Variants in EBPL observed in about 807,000 individuals in gnomAD.
EBPL encodes emopamil-binding protein-like.
Under a neutral mutation model 19.0 loss-of-function variants are expected in EBPL, and 20 were observed. That is an observed-to-expected ratio of 1.05 (90% confidence interval 0.74 to 1.53). The LOEUF is 1.53. Ranked by LOEUF, EBPL falls within the 40% of genes most tolerant of loss-of-function variation. The probability of loss-of-function intolerance (pLI) is 0.00; values close to 1 mark genes in which losing one functional copy is unlikely to be tolerated. For synonymous variants in EBPL, 107 were observed against 117.0 expected, an observed-to-expected ratio of 0.91 and a Z score of 0.55; for missense variants, 219 against 261.1, an observed-to-expected ratio of 0.84 and a Z score of 1.11.
chr13:49,670,821 T>C (rs1953805832), intron 1 of EBPL, among the ~76,000 whole-genome samples: 1 of 152,188 alleles, frequency 6.6e-6, no homozygotes, highest in Admixed American at 6.5e-5. Flanking sequence ...GTGCAGTCTC[T>C]GGGCTTCTAA....
chr13:49,665,253 G>C (rs1965209953), intron 2 of EBPL, among the ~76,000 whole-genome samples: 1 of 151,888 alleles, frequency 6.6e-6, no homozygotes. Context: ...TGGGACTACA[G>C]GCACCCACCA....
chr13:49,690,076 A>C (rs1211341582), intron 1 of EBPL, among the ~76,000 whole-genome samples: 2 of 149,368 alleles, frequency 1.3e-5, no homozygotes, highest in East Asian at 4.0e-4. Context: ...CTTTAACCCA[A>C]GGGGCGGAGG....
chr13:49,666,206 G>A (rs1313376811), intron 2 of EBPL, among the ~76,000 whole-genome samples: 2 of 152,188 alleles, frequency 1.3e-5, no homozygotes, highest in African/African-American at 4.8e-5. Flanking sequence ...TGATTGGCTT[G>A]TCTGGATAAT....
At chr13:49,676,067 T>G (rs1953872643) in intron 1 of EBPL, among the ~76,000 whole-genome samples, 1 of 152,226 alleles carries the variant, frequency 6.6e-6, no homozygotes, top group African/African-American at 2.4e-5. Flanking sequence ...TTGTTAAGAA[T>G]GTAAGTTTTA....
At chr13:49,667,947 A>G (rs886517818) in intron 2 of EBPL, among the ~76,000 whole-genome samples, 2 of 152,200 alleles carry the variant, frequency 1.3e-5, no homozygotes. Context: ...GCATCTGGCA[A>G]AGGGGAGAAG....
intron 1 of EBPL, among the ~76,000 whole-genome samples, chr13:49,673,251 T>C (rs1050164748): frequency 8.5e-5 from 13 of 152,220 alleles, no homozygotes; most frequent in Admixed American, 6.5e-4. Context: ...TAAAACTAAA[T>C]ATGCAATGAC....
At chr13:49,672,752 A>G (rs1251745290) in intron 1 of EBPL, among the ~76,000 whole-genome samples, 1 of 152,196 alleles carries the variant, frequency 6.6e-6, no homozygotes, top group Non-Finnish European at 1.5e-5. Flanking sequence ...GTATGACTGT[A>G]TAAACTATCA....
chr13:49,672,287 T>C (rs1409721043), intron 1 of EBPL, among the ~76,000 whole-genome samples: 1 of 152,226 alleles, frequency 6.6e-6, no homozygotes, highest in Non-Finnish European at 1.5e-5. Flanking sequence ...ACTGTATTAA[T>C]GTCCTAAATG....
intron 1 of EBPL, among the ~76,000 whole-genome samples, chr13:49,680,889 T>A (rs927460908): frequency 1.3e-5 from 2 of 151,660 alleles, no homozygotes; most frequent in East Asian, 1.9e-4. Flanking sequence ...TAAAAAAAAA[T>A]TATAAAAAGG....
At chr13:49,678,540 G>C (rs1266224660) in intron 1 of EBPL, among the ~76,000 whole-genome samples, 1 of 152,202 alleles carries the variant, frequency 6.6e-6, no homozygotes, top group Non-Finnish European at 1.5e-5. Context: ...ACCCTCCACA[G>C]CTGCTGGCCC....
intron 2 of EBPL, among the ~76,000 whole-genome samples, chr13:49,667,129 C>T (rs2137487265): frequency 6.6e-6 from 1 of 152,234 alleles, no homozygotes; most frequent in South Asian, 2.1e-4. Flanking sequence ...GCCCTGGAAT[C>T]CACCAGTCCC....
At chr13:49,664,878 A>T (rs1239119142) in intron 2 of EBPL, among the ~76,000 whole-genome samples, 2 of 150,256 alleles carry the variant, frequency 1.3e-5, no homozygotes, top group African/African-American at 4.9e-5. Context: ...ATGCTGAGGG[A>T]ATGTTCTGTG....
chr13:49,682,996 T>C (rs1372019927), intron 1 of EBPL, among the ~76,000 whole-genome samples: 2 of 152,058 alleles, frequency 1.3e-5, no homozygotes, highest in African/African-American at 4.8e-5. Context: ...TTTATTGAGC[T>C]AGAGTCTCCC....
chr13:49,668,536 T>G (rs765968260), intron 2 of EBPL: 26 of 346,136 alleles, frequency 7.5e-5, no homozygotes, highest in South Asian at 2.3e-4. Context: ...ATGGTGCCAC[T>G]GTGCTCCAGC....
At chr13:49,662,939 A>C in intron 3 of EBPL, 118 bp downstream of exon 3, 2 of 1,370,980 alleles carry the variant, frequency 1.5e-6, no homozygotes, top group South Asian at 2.9e-5. Flanking sequence ...CCCAGCCTCT[A>C]TTCTTCCACC....
intron 1 of EBPL, among the ~76,000 whole-genome samples, chr13:49,678,745 G>A (rs1953908416): frequency 6.6e-6 from 1 of 152,156 alleles, no homozygotes; most frequent in African/African-American, 2.4e-5. Flanking sequence ...GCCGCGGGCT[G>A]AAGGGCTCCT....
intron 1 of EBPL, among the ~76,000 whole-genome samples, chr13:49,682,044 C>T (rs541859763): frequency 3.3e-5 from 5 of 152,296 alleles, no homozygotes; most frequent in South Asian, 2.1e-4. Context: ...GGATCAGCTG[C>T]GGCAGCCTCC....
At chr13:49,661,669 A>G (rs1389769013) in intron 3 of EBPL, 2 of 887,536 alleles carry the variant, frequency 2.3e-6, no homozygotes, top group Non-Finnish European at 2.7e-6. Context: ...AAATATCACA[A>G]ATGTTTAAAA....
chr13:49,690,173 C>CAAAAAAAAAAAAAAAAAAAAAAA (rs1332181431), intron 1 of EBPL, among the ~76,000 whole-genome samples: 1 of 96,488 alleles, frequency 1.0e-5, no homozygotes, highest in Non-Finnish European at 2.0e-5. Context: ...AAAAAAAAGA[C>CAAAAAAAAAAAAAAAAAAAAAAA]AAAAAAAAAA....
Sources: gnomAD v4.1 joint callset for allele counts (sites outside exome capture counted in the v4.1 genomes callset) on GRCh38, gnomAD v4.1.1 for gene constraint, MANE v1.5 for transcripts, NCBI Gene and HGNC (gene_info 2026-07-23, HGNC 2026-07-21) for gene names.